Variants in HECW1 observed in about 807,000 individuals in gnomAD.
The protein encoded by HECW1 is HECT, C2 and WW domain containing E3 ubiquitin protein ligase 1, also known as E3 ubiquitin-protein ligase HECW1.
Under a neutral mutation model 182.3 loss-of-function variants are expected in HECW1, and 61 were observed. The ratio of observed to expected loss-of-function variants is 0.33; its 90% CI spans 0.27 to 0.41. HECW1 has a LOEUF of 0.41. HECW1 is among the 10% of genes least tolerant of loss of function. HECW1 has a pLI of 1.00. For missense variants in HECW1, 1,739 were observed against 2,108.9 expected (o/e 0.82, Z 3.44); for synonymous variants, 859 against 832.6 (o/e 1.03, Z -0.55).
chr7:43,275,622 G>A (rs56729298), intron 3 of HECW1, among the ~76,000 whole-genome samples: 1,651 of 152,050 alleles, frequency 0.011, 37 homozygotes, highest in African/African-American at 0.038. Flanking sequence ...CCCAAATTAC[G>A]GAGCTGCCTT....
intron 17 of HECW1, among the ~76,000 whole-genome samples, chr7:43,489,378 T>C (rs1441648519): frequency 1.3e-5 from 2 of 152,228 alleles, no homozygotes; most frequent in African/African-American, 2.4e-5. Flanking sequence ...TATTTATTTA[T>C]TCATGGAGAA....
At chr7:43,203,278 C>G (rs574778130) in intron 2 of HECW1, among the ~76,000 whole-genome samples, 2 of 152,172 alleles carry the variant, frequency 1.3e-5, no homozygotes, top group African/African-American at 4.8e-5. Context: ...GTTGATGTTC[C>G]CTAACTTATT....
At chr7:43,501,435 T>C in intron 21 of HECW1, 113 bp downstream of exon 21, 1 of 601,414 alleles carries the variant, frequency 1.7e-6, no homozygotes, top group Non-Finnish European at 3.0e-6. Context: ...CCTTCCCAAT[T>C]CCCTAATTGA....
intron 8 of HECW1, among the ~76,000 whole-genome samples, chr7:43,410,013 T>C (rs1052060882): frequency 7.2e-5 from 11 of 152,210 alleles, no homozygotes; most frequent in Non-Finnish European, 1.6e-4. Flanking sequence ...GCGGTGCCGC[T>C]GCTGAGTGAG....
chr7:43,512,050 C>T, intron 24 of HECW1: 1 of 217,222 alleles, frequency 4.6e-6, no homozygotes, highest in African/African-American at 2.2e-5. Context: ...GTGGGCGTAG[C>T]TGCTGCTGAT....
chr7:43,448,143 A>G (rs1221944521), intron 11 of HECW1, among the ~76,000 whole-genome samples: 1 of 152,100 alleles, frequency 6.6e-6, no homozygotes, highest in African/African-American at 2.4e-5. Flanking sequence ...CTCAAAAAAA[A>G]AGAGAGAGAG....
intron 6 of HECW1, among the ~76,000 whole-genome samples, chr7:43,379,814 C>T (rs2074473485): frequency 6.6e-6 from 1 of 152,156 alleles, no homozygotes; most frequent in Non-Finnish European, 1.5e-5. Flanking sequence ...CTCCACACAG[C>T]TCTTTATTTT....
chr7:43,319,102 A>G (rs1310835713), intron 4 of HECW1, among the ~76,000 whole-genome samples: 1 of 152,224 alleles, frequency 6.6e-6, no homozygotes, highest in Non-Finnish European at 1.5e-5. Context: ...TAAAGAGAAC[A>G]TCGGGCCGGG....
rs71008897 is a variant in HECW1 at position 43,221,537 on chromosome 7, G to GTTTTTTTTTTTTTTTTTTTTT, written c.-31-22316_-31-22296dup. 7.9e-5 allele frequency among the ~76,000 whole-genome samples: 4 copies of GTTTTTTTTTTTTTTTTTTTTT among 50,532 alleles called. 2 individuals are homozygous for GTTTTTTTTTTTTTTTTTTTTT. Among genetic ancestry groups the GTTTTTTTTTTTTTTTTTTTTT allele is most frequent in the Non-Finnish European group, 1.4e-4 (4 of 29,154 alleles). The allele number at this position is 50,532 out of a possible 152,430, so 33.2% of individuals were successfully genotyped here. ...CTAAACTAAATGTCAGAGGAATTAG[G>GTTTTTTTTTTTTTTTTTTTTT]TTTTTTTTTTTTTTTTTTTTTTTTT... is the stretch of plus-strand genomic sequence containing the variant. On this transcript the variant is annotated intron_variant, in intron 2 of 29. Transcript: ENST00000395891.
intron 2 of HECW1, among the ~76,000 whole-genome samples, chr7:43,206,184 T>G (rs1479408115): frequency 1.3e-5 from 2 of 152,202 alleles, no homozygotes; most frequent in Non-Finnish European, 2.9e-5. Context: ...TCCTACCATG[T>G]GCACTCACAA....
At chr7:43,425,797 G>A (rs1045892896) in intron 8 of HECW1, among the ~76,000 whole-genome samples, 1 of 152,026 alleles carries the variant, frequency 6.6e-6, no homozygotes, top group Non-Finnish European at 1.5e-5. Context: ...CATTTATGAG[G>A]GCAGAGCCTT....
intron 2 of HECW1, among the ~76,000 whole-genome samples, chr7:43,132,168 C>G (rs983793514): frequency 6.6e-6 from 1 of 151,598 alleles, no homozygotes; most frequent in South Asian, 2.1e-4. Flanking sequence ...CTCACAGCGC[C>G]CCCCCGCCCC....
intron 2 of HECW1, among the ~76,000 whole-genome samples, chr7:43,151,855 C>G (rs1316223401): frequency 6.6e-6 from 1 of 151,982 alleles, no homozygotes; most frequent in East Asian, 1.9e-4. Flanking sequence ...TTTACCTAGG[C>G]TAAAGAAAGA....
chr7:43,533,167 T>C (rs1188850725), intron 24 of HECW1, among the ~76,000 whole-genome samples: 3 of 151,854 alleles, frequency 2.0e-5, no homozygotes, highest in African/African-American at 7.3e-5. Flanking sequence ...GAGATGCTGT[T>C]AAACATCCTA....
At chr7:43,368,594 T>C (rs1173927515) in intron 6 of HECW1, among the ~76,000 whole-genome samples, 1 of 152,194 alleles carries the variant, frequency 6.6e-6, no homozygotes, top group East Asian at 1.9e-4. Flanking sequence ...ACCCAGGCCC[T>C]ACTCACAATC....
chr7:43,334,387 A>G (rs924454109), intron 5 of HECW1, among the ~76,000 whole-genome samples: 8 of 152,180 alleles, frequency 5.3e-5, no homozygotes, highest in African/African-American at 1.9e-4. Flanking sequence ...CTCTCCCAAA[A>G]TGTTGTTAAT....
At chr7:43,449,208 T>G (rs2077157632) in intron 11 of HECW1, among the ~76,000 whole-genome samples, 1 of 152,224 alleles carries the variant, frequency 6.6e-6, no homozygotes. Context: ...GTTTAATTTC[T>G]GACACTAAAC....
At chr7:43,534,451 G>A (rs1563099298) in intron 24 of HECW1, among the ~76,000 whole-genome samples, 1 of 152,206 alleles carries the variant, frequency 6.6e-6, no homozygotes, top group Admixed American at 6.5e-5. Flanking sequence ...GGGAGAGGGA[G>A]ACCTGCTATT....
At chr7:43,226,475 A>G (rs1797436970) in intron 2 of HECW1, among the ~76,000 whole-genome samples, 1 of 152,156 alleles carries the variant, frequency 6.6e-6, no homozygotes, top group South Asian at 2.1e-4. Context: ...CTAATAATTC[A>G]CTGTCTAAAT....
Sources: allele counts gnomAD v4.1 joint callset (sites outside exome capture counted in the v4.1 genomes callset), GRCh38; gene constraint gnomAD v4.1.1; transcripts MANE v1.5; gene names NCBI Gene and HGNC (gene_info 2026-07-23, HGNC 2026-07-21).